UCP1: variants seen among roughly 807,000 people sequenced by gnomAD.
The protein encoded by UCP1 is uncoupling protein 1.
Under a neutral mutation model 26.2 loss-of-function variants are expected in UCP1, and 24 were observed. The ratio of observed to expected loss-of-function variants is 0.92; its 90% CI spans 0.66 to 1.29. The LOEUF is 1.29. UCP1 is among the 50% of genes most tolerant of loss of function. The pLI, the probability that UCP1 is intolerant of heterozygous loss-of-function variation, is 0.00. For missense variants in UCP1, 402 were observed against 388.7 expected (o/e 1.03, Z -0.29); for synonymous variants, 164 against 156.8 (o/e 1.05, Z -0.34).
chr4:140,567,908 C>T lies in UCP1; in HGVS notation c.196G>A (p.Val66Ile), dbSNP rs1315626973. ...AGTTTCATCCGCCCTTCTGTTTTTACCACAGCGGTGATTGTTCCCAGGACA... is the reference window on the plus strand; with the variant it reads ...AGTTTCATCCGCCCTTCTGTTTTTATCACAGCGGTGATTGTTCCCAGGACA... ...KGVLGTITAV[V>I]KTEGRMKLYS... The change falls in exon 2 of 6, where the codon GTA (valine) becomes ATA (isoleucine). Residue 66 changes from valine (V) to isoleucine (I), a missense_variant. Val to Ile is a conservative substitution (Grantham distance 29, BLOSUM62 3). Transcript: ENST00000262999. 6.2e-7 allele frequency: 1 copy of T among 1,614,058 alleles called. No individual in the cohort carries two copies. The highest frequency in any genetic ancestry group is 2.2e-5 in the East Asian group (1 of 44,892).
At chr4:140,561,794 T>C (rs1260890059) in intron 5 of UCP1, among the ~76,000 whole-genome samples, 1 of 152,214 alleles carries the variant, frequency 6.6e-6, no homozygotes, top group African/African-American at 2.4e-5. Flanking sequence ...TGATGTCTTA[T>C]CTCTAGTTTT....
chr4:140,568,389 A>G (rs188981515), intron 1 of UCP1, among the ~76,000 whole-genome samples: 2 of 152,218 alleles, frequency 1.3e-5, no homozygotes, highest in East Asian at 3.9e-4. Flanking sequence ...TGGTCAACCC[A>G]TTCTCTGTGG....
chr4:140,567,687 G>C (rs1036545363), intron 2 of UCP1, 92 bp downstream of exon 2: 1 of 1,495,376 alleles, frequency 6.7e-7, no homozygotes, highest in African/African-American at 1.4e-5. Flanking sequence ...TCGCCAATTT[G>C]TTATGAAAAC....
chr4:140,559,713 GAAA>G lies in UCP1; in HGVS notation c.*180_*182del. On this transcript the variant is annotated 3_prime_UTR_variant, in exon 6 of 6. Coordinates refer to ENST00000262999, the MANE Select transcript of UCP1 (RefSeq NM_021833.5). ...TGCTTTCCCCTTCTTAAGACACTGA[GAAA>G]AAAAAAAAGTTATATGAAATAGGCA... 3 of 522,170 alleles carry G rather than the reference GAAA, an allele frequency of 5.7e-6. No individual in the cohort carries two copies. 32.3% of individuals were successfully genotyped at this position (522,170 alleles called of 1,614,324 possible).
intron 5 of UCP1, among the ~76,000 whole-genome samples, chr4:140,560,304 C>T (rs773154341): frequency 1.3e-5 from 2 of 152,180 alleles, no homozygotes; most frequent in Non-Finnish European, 2.9e-5. Context: ...TACTCTTCAT[C>T]TTTCCCTCCT....
At chr4:140,561,501 T>A (rs1406325243) in intron 5 of UCP1, among the ~76,000 whole-genome samples, 1 of 152,098 alleles carries the variant, frequency 6.6e-6, no homozygotes, top group East Asian at 1.9e-4. Flanking sequence ...CATCAGTGCG[T>A]GCCACCACAC....
At chr4:140,568,574 AC>A in intron 1 of UCP1, 29 bp downstream of exon 1, 1 of 1,613,332 alleles carries the variant, frequency 6.2e-7, no homozygotes, top group East Asian at 2.2e-5. Flanking sequence ...CTGTCCTGAG[AC>A]CCCTTGTCTT....
At chr4:140,567,712 T>G in intron 2 of UCP1, 67 bp downstream of exon 2, 2 of 1,593,082 alleles carry the variant, frequency 1.3e-6, no homozygotes, top group Non-Finnish European at 1.7e-6. Flanking sequence ...CCTCTGTGTG[T>G]TACACTTTTT....
chr4:140,568,492 C>G, intron 1 of UCP1, 112 bp downstream of exon 1: 3 of 1,545,430 alleles, frequency 1.9e-6, no homozygotes, highest in Non-Finnish European at 2.6e-6. Flanking sequence ...TTTGGAAGGT[C>G]ACCTACCCTA....
chr4:140,559,817 A>G lies in UCP1; in HGVS notation c.*79T>C. 7.6e-7 allele frequency: 1 copy of G among 1,308,430 alleles called. No homozygotes were observed. Among genetic ancestry groups the G allele is most frequent in the Non-Finnish European group, 1.1e-6 (1 of 915,314 alleles). The allele number at this position is 1,308,430 out of a possible 1,614,324, so 81.1% of individuals were successfully genotyped here. On this transcript the variant is annotated 3_prime_UTR_variant, in exon 6 of 6. Transcript: ENST00000262999. ...TCCTTTATCTTTTTAGGTTAAAATA[A>G]GTGAATAAGTTTTGTTTGTTTTTAT...
chr4:140,562,411 T>C (rs1347818895), intron 4 of UCP1, 38 bp from the exon 5 acceptor site: 2 of 1,609,010 alleles, frequency 1.2e-6, no homozygotes, highest in Admixed American at 1.7e-5. Flanking sequence ...CATCAGACTT[T>C]TGGGGGCTTG....
intron 2 of UCP1, 109 bp from the exon 3 acceptor site, chr4:140,563,627 A>G: frequency 3.4e-6 from 3 of 888,904 alleles, no homozygotes; most frequent in Non-Finnish European, 5.0e-6. Flanking sequence ...TTTTTTTTTG[A>G]GATGGAGTCT....
chr4:140,563,859 C>T (rs1399047614), intron 2 of UCP1, among the ~76,000 whole-genome samples: 3 of 152,118 alleles, frequency 2.0e-5, no homozygotes, highest in Non-Finnish European at 2.9e-5. Context: ...CCGTCTGCCT[C>T]GGCCTCCCAA....
At chr4:140,564,779 AT>A (rs1400100474) in intron 2 of UCP1, among the ~76,000 whole-genome samples, 2 of 152,146 alleles carry the variant, frequency 1.3e-5, no homozygotes, top group Non-Finnish European at 1.5e-5. Flanking sequence ...GTGTATCTTG[AT>A]GTACTCATCC....
chr4:140,564,248 C>T (rs1735751361), intron 2 of UCP1, among the ~76,000 whole-genome samples: 2 of 152,128 alleles, frequency 1.3e-5, no homozygotes, highest in Admixed American at 6.5e-5. Context: ...AGTGGACAAA[C>T]TGCACCAAAA....
chr4:140,566,442 A>T (rs927572697), intron 2 of UCP1, among the ~76,000 whole-genome samples: 4 of 152,202 alleles, frequency 2.6e-5, no homozygotes, highest in Non-Finnish European at 5.9e-5. Flanking sequence ...TAGAACAGTC[A>T]ATCTGTGAAG....
chr4:140,563,588 T>C (rs1735736399), intron 2 of UCP1, 70 bp from the exon 3 acceptor site: 2 of 1,390,840 alleles, frequency 1.4e-6, no homozygotes, highest in Non-Finnish European at 2.0e-6. Context: ...GTCTTTTTAA[T>C]TTTCAGTGGT....
intron 2 of UCP1, 101 bp from the exon 3 acceptor site, chr4:140,563,619 T>A (rs1281727101): frequency 8.2e-7 from 1 of 1,214,808 alleles, no homozygotes; most frequent in East Asian, 2.5e-5. Flanking sequence ...GTATTTTTTT[T>A]TTTTTTGAGA....
intron 2 of UCP1, among the ~76,000 whole-genome samples, chr4:140,566,871 TG>T (rs1735810610): frequency 6.6e-6 from 1 of 152,202 alleles, no homozygotes; most frequent in Non-Finnish European, 1.5e-5. Context: ...CAGAATCATA[TG>T]AGAAGTGCAG....
Sources: gnomAD v4.1 joint callset for allele counts (sites outside exome capture counted in the v4.1 genomes callset) on GRCh38, gnomAD v4.1.1 for gene constraint, MANE v1.5 for transcripts, NCBI Gene and HGNC (gene_info 2026-07-23, HGNC 2026-07-21) for gene names.